Variants in RBFOX3 observed in about 807,000 individuals in gnomAD.
RBFOX3 encodes the protein RNA binding fox-1 homolog 3.
In RBFOX3, 17 loss-of-function variants were observed where a neutral mutation model predicts 48.7. The ratio of observed to expected loss-of-function variants is 0.35; its 90% confidence interval spans 0.24 to 0.52. RBFOX3 has a LOEUF of 0.52. Among genes scored for constraint, RBFOX3 ranks in the 20% least tolerant of loss-of-function variants. The pLI is 0.94. For missense variants in RBFOX3, 382 were observed against 497.5 expected (o/e 0.77, Z 2.21); for synonymous variants, 212 against 209.5 (o/e 1.01, Z -0.10).
At chr17:79,468,516 C>T (rs2076603559) in intron 2 of RBFOX3, among the ~76,000 whole-genome samples, 1 of 152,032 alleles carries the variant, frequency 6.6e-6, no homozygotes, top group African/African-American at 2.4e-5. Flanking sequence ...CATACACAGA[C>T]ATAGGTAGAT....
At chr17:79,157,356 C>T (rs1340170323) in intron 4 of RBFOX3, among the ~76,000 whole-genome samples, 3 of 152,194 alleles carry the variant, frequency 2.0e-5, no homozygotes, top group African/African-American at 4.8e-5. Flanking sequence ...GCCCAGCTGC[C>T]GTCCATGCAC....
At chr17:79,376,107 C>T (rs1412706918) in intron 2 of RBFOX3, among the ~76,000 whole-genome samples, 3 of 152,204 alleles carry the variant, frequency 2.0e-5, no homozygotes, top group Non-Finnish European at 4.4e-5. Context: ...AGCCGACCCC[C>T]TCCCAGGCAG....
At chr17:79,449,202 G>GT (rs1177723314) in intron 2 of RBFOX3, among the ~76,000 whole-genome samples, 1 of 152,066 alleles carries the variant, frequency 6.6e-6, no homozygotes, top group Non-Finnish European at 1.5e-5. Context: ...GGCACTGTGT[G>GT]TTTTTTTCAG....
At chr17:79,276,723 C>A (rs990636143) in intron 3 of RBFOX3, among the ~76,000 whole-genome samples, 1 of 152,064 alleles carries the variant, frequency 6.6e-6, no homozygotes, top group African/African-American at 2.4e-5. Context: ...CAACAAAAAC[C>A]AAAACCAAAA....
At chr17:79,228,457 AACAC>A (rs982832067) in intron 4 of RBFOX3, among the ~76,000 whole-genome samples, 15 of 152,090 alleles carry the variant, frequency 9.9e-5, no homozygotes, top group East Asian at 5.8e-4. Flanking sequence ...CTTCCACACA[AACAC>A]ACACACACTC....
rs1568121151 is a variant in RBFOX3, at chr17:79,097,752, C to T, written c.569-7G>A. The T allele has an allele frequency of 6.5e-7, 1 of 1,533,860 alleles. No individual in the cohort carries two copies. The highest frequency in any genetic ancestry group is 1.2e-5 in the South Asian group (1 of 83,890). On this transcript the variant is annotated splice_region_variant and splice_polypyrimidine_tract_variant and intron_variant, in intron 9 of 14. Transcript: ENST00000693108. ...ACTGGATTTAGCTTCCAGCCTAAAA[C>T]AAAGGCACAGAGACCTAGTCACTGC...
chr17:79,352,768 A>G (rs146507417), intron 2 of RBFOX3, among the ~76,000 whole-genome samples: 72 of 152,296 alleles, frequency 4.7e-4, no homozygotes, highest in African/African-American at 1.6e-3. Context: ...CCCCCCAGAA[A>G]TGACCTCACA....
At chr17:79,403,488 G>A (rs1028440740) in intron 2 of RBFOX3, among the ~76,000 whole-genome samples, 7 of 152,200 alleles carry the variant, frequency 4.6e-5, no homozygotes, top group African/African-American at 1.4e-4. Flanking sequence ...GGAATAATCC[G>A]TGAACACAGC....
intron 1 of RBFOX3, among the ~76,000 whole-genome samples, chr17:79,555,949 C>T (rs1232093520): frequency 6.6e-6 from 1 of 151,934 alleles, no homozygotes; most frequent in Admixed American, 6.6e-5. Context: ...CCCAGAACTC[C>T]AACTACAACA....
At chr17:79,621,318 T>C in the RBFOX3 span, among the ~76,000 whole-genome samples, 4 of 152,038 alleles carry the variant, frequency 2.6e-5, no homozygotes, top group African/African-American at 9.7e-5. Context: ...CTTTGTATTA[T>C]CCCAAAGTTG....
intron 4 of RBFOX3, among the ~76,000 whole-genome samples, chr17:79,123,661 G>A (rs1386638752): frequency 6.6e-6 from 1 of 152,148 alleles, no homozygotes; most frequent in African/African-American, 2.4e-5. Flanking sequence ...TACCCCACAC[G>A]TGCCATCTCA....
At position 79,160,202 on chromosome 17, in the gene RBFOX3, C is replaced by T. The variant is rs141393363; in HGVS notation, c.-33-44454G>A. Among the ~76,000 whole-genome samples, 13 of 152,180 alleles carry T rather than the reference C, an allele frequency of 8.5e-5. No individual in the cohort carries two copies. The East Asian group carries it at 2.5e-3, about 29-fold the overall frequency. ...CGGGAGGAAAAATCCATGTGTGATT[C>T]ATGATGCCCTCCCAGACGTGGGGCG... is the stretch of plus-strand genomic sequence containing the variant. On this transcript the variant is annotated intron_variant, in intron 4 of 14. Transcript: ENST00000693108.
At chr17:79,176,952 G>A (rs1172786241) in intron 4 of RBFOX3, among the ~76,000 whole-genome samples, 2 of 152,176 alleles carry the variant, frequency 1.3e-5, no homozygotes, top group Admixed American at 6.5e-5. Flanking sequence ...AGAGACAGAC[G>A]GTGACCTGTA....
rs149413064 is a variant in RBFOX3, at chr17:79,326,330, G to A, written c.-174-18506C>T. ...ATGTCCCTCCCTTCTCGCCCTGCACGGATCTAGTTGAGATTTACTGACAAC... is the reference window on the plus strand; with the variant it reads ...ATGTCCCTCCCTTCTCGCCCTGCACAGATCTAGTTGAGATTTACTGACAAC... On this transcript the variant is annotated intron_variant, in intron 2 of 14. Transcript: ENST00000693108. Among the ~76,000 whole-genome samples the A allele has an allele frequency of 1.3e-3, 193 of 152,254 alleles. 1 individual carries two copies. Among genetic ancestry groups the A allele is most frequent in the Admixed American group, 3.9e-3 (60 of 15,296 alleles).
intron 3 of RBFOX3, among the ~76,000 whole-genome samples, chr17:79,304,759 G>A (rs375260677): frequency 2.0e-5 from 3 of 152,336 alleles, no homozygotes; most frequent in Admixed American, 6.5e-5. Flanking sequence ...GAAAGAGGAT[G>A]GAAGTCAAAC....
rs960850390 is a variant in RBFOX3 at position 79,576,046 on chromosome 17, G to A, written c.-320+34780C>T. On this transcript the variant is annotated intron_variant, in intron 1 of 14. Transcript: ENST00000693108. The stretch of plus-strand genomic sequence containing the variant: ...GGTGTTGCTGAGATAATATTTGGTC[G>A]TTGTGGTGAACATCTACAATCAGCT... Among the ~76,000 whole-genome samples the A allele has an allele frequency of 5.9e-3, 904 of 152,292 alleles. 8 individuals are homozygous for A. Among genetic ancestry groups the A allele is most frequent in the South Asian group, 0.019 (92 of 4,828 alleles).
At chr17:79,414,011 C>T (rs2064903533) in intron 2 of RBFOX3, among the ~76,000 whole-genome samples, 1 of 151,978 alleles carries the variant, frequency 6.6e-6, no homozygotes, top group Non-Finnish European at 1.5e-5. Flanking sequence ...AGGACAGGAC[C>T]AGGCAGAGGG....
At chr17:79,222,113 G>A (rs2059804499) in intron 4 of RBFOX3, among the ~76,000 whole-genome samples, 1 of 152,136 alleles carries the variant, frequency 6.6e-6, no homozygotes, top group South Asian at 2.1e-4. Flanking sequence ...GATTTCTACT[G>A]CTGCTTGATT....
intron 4 of RBFOX3, among the ~76,000 whole-genome samples, chr17:79,175,396 A>C (rs957617246): frequency 3.3e-5 from 5 of 152,260 alleles, no homozygotes; most frequent in Non-Finnish European, 5.9e-5. Flanking sequence ...AGTCCCTGTC[A>C]TAACGGCTTC....
Sources: gnomAD v4.1 joint callset for allele counts (sites outside exome capture counted in the v4.1 genomes callset) on GRCh38, gnomAD v4.1.1 for gene constraint, MANE v1.5 for transcripts, NCBI Gene and HGNC (gene_info 2026-07-23, HGNC 2026-07-21) for gene names.